The following ANKS1B variants were observed in gnomAD, a reference collection of about 807,000 sequenced individuals.
ANKS1B encodes the protein ankyrin repeat and sterile alpha motif domain-containing protein 1B.
In ANKS1B, 36 loss-of-function variants were observed where a neutral mutation model predicts 148.3. The observed-to-expected ratio is 0.24, with a 90% CI of 0.19 to 0.32. ANKS1B has a LOEUF of 0.32. ANKS1B is among the 10% of genes least tolerant of loss of function. The pLI, the probability that ANKS1B is intolerant of heterozygous loss-of-function variation, is 1.00. For synonymous variants in ANKS1B, 542 were observed against 560.8 expected (o/e 0.97, Z 0.47); for missense variants, 1,157 against 1,542.6 (o/e 0.75, Z 4.19).
intron 10 of ANKS1B, among the ~76,000 whole-genome samples, chr12:99,445,926 T>C (rs1293830309): frequency 6.6e-6 from 1 of 151,978 alleles, no homozygotes; most frequent in Non-Finnish European, 1.5e-5. Context: ...TTTCGCCATA[T>C]TGCTCAGGCT....
intron 8 of ANKS1B, among the ~76,000 whole-genome samples, chr12:99,670,040 C>T (rs7307144): frequency 0.15 from 23,179 of 151,992 alleles, 2,480 homozygotes; most frequent in East Asian, 0.46. Context: ...CAGAAGGAGC[C>T]ACTCCATACC....
intron 8 of ANKS1B, among the ~76,000 whole-genome samples, chr12:99,678,106 A>G (rs903399169): frequency 3.9e-5 from 6 of 152,240 alleles, no homozygotes; most frequent in African/African-American, 1.4e-4. Flanking sequence ...CTTACGAGAG[A>G]CAACCAAATA....
chr12:99,567,389 T>G (rs2097406554), intron 9 of ANKS1B, among the ~76,000 whole-genome samples: 1 of 152,172 alleles, frequency 6.6e-6, no homozygotes, highest in South Asian at 2.1e-4. Flanking sequence ...TTTTATATGC[T>G]TATATCCCTC....
chr12:98,923,449 G>A (rs941929626), intron 17 of ANKS1B, among the ~76,000 whole-genome samples: 1 of 152,214 alleles, frequency 6.6e-6, no homozygotes, highest in Admixed American at 6.5e-5. Flanking sequence ...TCTACTTGAT[G>A]TGTGAAGGGA....
At chr12:99,706,034 C>T (rs991685644) in intron 8 of ANKS1B, among the ~76,000 whole-genome samples, 1 of 151,964 alleles carries the variant, frequency 6.6e-6, no homozygotes, top group Admixed American at 6.6e-5. Context: ...TAATGTCTGT[C>T]GACAAACATA....
intron 12 of ANKS1B, among the ~76,000 whole-genome samples, chr12:99,386,658 A>G (rs1373520285): frequency 1.3e-5 from 2 of 152,198 alleles, no homozygotes; most frequent in East Asian, 3.9e-4. Flanking sequence ...GAGTGAAATT[A>G]ATGATTTTGG....
chr12:99,484,550 T>C (rs1595696610), intron 10 of ANKS1B, among the ~76,000 whole-genome samples: 1 of 151,956 alleles, frequency 6.6e-6, no homozygotes, highest in Admixed American at 6.6e-5. Context: ...TCTTTGTTGA[T>C]TTTACGTCTC....
At chr12:99,662,900 C>A (rs1454824353) in intron 8 of ANKS1B, among the ~76,000 whole-genome samples, 1 of 151,976 alleles carries the variant, frequency 6.6e-6, no homozygotes, top group Non-Finnish European at 1.5e-5. Flanking sequence ...TTTTTGCCTG[C>A]AGACTGTTTT....
At chr12:98,898,000 A>C (rs2099767191) in intron 17 of ANKS1B, among the ~76,000 whole-genome samples, 1 of 152,190 alleles carries the variant, frequency 6.6e-6, no homozygotes, top group Non-Finnish European at 1.5e-5. Context: ...GTGGGAACTA[A>C]ACAATAGGTA....
chr12:99,683,992 C>G (rs1287109489), intron 8 of ANKS1B, among the ~76,000 whole-genome samples: 1 of 152,028 alleles, frequency 6.6e-6, no homozygotes, highest in Non-Finnish European at 1.5e-5. Context: ...GACAAACCCA[C>G]AGCCAATATT....
chr12:98,847,978 T>C (rs1278252904), intron 17 of ANKS1B, among the ~76,000 whole-genome samples: 4 of 152,210 alleles, frequency 2.6e-5, no homozygotes, highest in South Asian at 2.1e-4. Context: ...TTAATACATG[T>C]TTATTTTGTA....
At chr12:99,478,540 C>G (rs541162732) in intron 10 of ANKS1B, among the ~76,000 whole-genome samples, 1 of 152,006 alleles carries the variant, frequency 6.6e-6, no homozygotes, top group Non-Finnish European at 1.5e-5. Flanking sequence ...GCCAACTCAT[C>G]GGGTATGCAA....
chr12:99,149,240 A>G (rs568152792), intron 15 of ANKS1B, among the ~76,000 whole-genome samples: 156 of 152,258 alleles, frequency 1.0e-3, no homozygotes, highest in African/African-American at 3.6e-3. Context: ...TGGAAAAGAG[A>G]TGTAAGTCCA....
chr12:99,325,634 T>G (rs2086166438), intron 12 of ANKS1B, among the ~76,000 whole-genome samples: 1 of 152,162 alleles, frequency 6.6e-6, no homozygotes, highest in African/African-American at 2.4e-5. Flanking sequence ...ACTTGATGGT[T>G]GCTAAAATTG....
intron 4 of ANKS1B, among the ~76,000 whole-genome samples, chr12:99,803,310 A>C (rs2067206534): frequency 6.9e-6 from 1 of 145,218 alleles, no homozygotes; most frequent in African/African-American, 2.5e-5. Flanking sequence ...GAGACCAAAA[A>C]AAAAACCAAC....
At chr12:99,104,295 A>G (rs531259465) in intron 15 of ANKS1B, among the ~76,000 whole-genome samples, 11 of 152,304 alleles carry the variant, frequency 7.2e-5, no homozygotes, top group Admixed American at 6.5e-4. Context: ...GTTGTGGTGC[A>G]CAAGAATAAG....
intron 1 of ANKS1B, among the ~76,000 whole-genome samples, chr12:99,958,633 C>A (rs2095359277): frequency 6.6e-6 from 1 of 152,192 alleles, no homozygotes; most frequent in Non-Finnish European, 1.5e-5. Context: ...AATCCACCCA[C>A]CTCAGCCTCC....
intron 8 of ANKS1B, among the ~76,000 whole-genome samples, chr12:99,731,307 C>A (rs768513756): frequency 6.6e-6 from 1 of 151,956 alleles, no homozygotes; most frequent in Non-Finnish European, 1.5e-5. Flanking sequence ...TTAGTAGAGA[C>A]GGGGTTTCAC....
At chr12:99,719,103 C>T (rs1294472229) in intron 8 of ANKS1B, among the ~76,000 whole-genome samples, 8 of 152,318 alleles carry the variant, frequency 5.3e-5, no homozygotes, top group African/African-American at 1.9e-4. Context: ...TCTGTCCAAA[C>T]AACTTGACCT....
Sources: allele counts gnomAD v4.1 joint callset (sites outside exome capture counted in the v4.1 genomes callset), GRCh38; gene constraint gnomAD v4.1.1; transcripts MANE v1.5; gene names NCBI Gene and HGNC (gene_info 2026-07-23, HGNC 2026-07-21).